The following GNB4 variants were observed in gnomAD, a reference collection of about 807,000 sequenced individuals.
The protein encoded by GNB4 is G protein subunit beta 4, also known as guanine nucleotide-binding protein subunit beta-4.
In GNB4, 28 loss-of-function variants were observed where a neutral mutation model predicts 45.2. The ratio of observed to expected loss-of-function variants is 0.62; its 90% CI spans 0.46 to 0.85. The LOEUF (loss-of-function observed/expected upper bound fraction) is 0.85. Among genes scored for constraint, GNB4 ranks in the 40% least tolerant of loss-of-function variants. The pLI is 0.00. For synonymous variants in GNB4, 132 were observed against 143.7 expected (o/e 0.92, Z 0.58); for missense variants, 321 against 425.4 (o/e 0.75, Z 2.16).
At chr3:179,510,921 G>A in the GNB4 span, among the ~76,000 whole-genome samples, 2 of 152,124 alleles carry the variant, frequency 1.3e-5, no homozygotes, top group African/African-American at 4.8e-5. Flanking sequence ...ATCTGGGCAC[G>A]CCTGAAGTTT....
chr3:179,446,105 G>C (rs1023459973), intron 1 of GNB4, among the ~76,000 whole-genome samples: 1 of 152,148 alleles, frequency 6.6e-6, no homozygotes, highest in African/African-American at 2.4e-5. Context: ...CTGGAAAATG[G>C]AACTGAGGAA....
chr3:179,426,065 G>A, intron 2 of GNB4, 79 bp downstream of exon 2: 1 of 1,061,012 alleles, frequency 9.4e-7, no homozygotes, highest in Non-Finnish European at 1.4e-6. Flanking sequence ...ATTTAATATA[G>A]ACTGATAAAC....
the GNB4 span, among the ~76,000 whole-genome samples, chr3:179,508,930 G>GTA: frequency 3.4e-4 from 16 of 47,114 alleles, 1 homozygote; most frequent in South Asian, 4.4e-3. Flanking sequence ...CTTTCAGCAT[G>GTA]TGTATATATA....
chr3:179,473,040 G>A, the GNB4 span, among the ~76,000 whole-genome samples: 2 of 152,158 alleles, frequency 1.3e-5, no homozygotes, highest in African/African-American at 4.8e-5. Flanking sequence ...GCACACGCCT[G>A]TAGTCCCAGC....
chr3:179,426,377 A>G, intron 1 of GNB4, 135 bp from the exon 2 acceptor site: 1 of 557,520 alleles, frequency 1.8e-6, no homozygotes. Context: ...AAAGGAATTT[A>G]AAGATGCTTA....
chr3:179,408,130 C>CTGGTATCTAAT (rs1298021948), intron 8 of GNB4, among the ~76,000 whole-genome samples: 3 of 151,890 alleles, frequency 2.0e-5, no homozygotes, highest in Non-Finnish European at 2.9e-5. Context: ...AGGTAAAATT[C>CTGGTATCTAAT]ACAATGTCTG....
At chr3:179,497,217 T>C in the GNB4 span, among the ~76,000 whole-genome samples, 1 of 152,116 alleles carries the variant, frequency 6.6e-6, no homozygotes, top group Non-Finnish European at 1.5e-5. Context: ...CATCGTCATC[T>C]AGTCTTTCAA....
At chr3:179,448,391 A>G (rs1010522388) in intron 1 of GNB4, among the ~76,000 whole-genome samples, 22 of 152,172 alleles carry the variant, frequency 1.4e-4, no homozygotes, top group South Asian at 2.1e-4. Flanking sequence ...CACCTCTACC[A>G]TACAAATAAT....
chr3:179,508,932 G>GTGTGTGTATATATATATA, the GNB4 span, among the ~76,000 whole-genome samples: 64 of 102,142 alleles, frequency 6.3e-4, 1 homozygote, highest in African/African-American at 2.7e-3. Flanking sequence ...TTCAGCATGT[G>GTGTGTGTATATATATATA]TATATATATA....
At chr3:179,449,731 G>A (rs888523603) in intron 1 of GNB4, among the ~76,000 whole-genome samples, 2 of 152,194 alleles carry the variant, frequency 1.3e-5, no homozygotes, top group African/African-American at 4.8e-5. Context: ...AACAGACGCA[G>A]ATTAAAATAG....
the GNB4 span, among the ~76,000 whole-genome samples, chr3:179,510,115 C>T: frequency 6.6e-6 from 1 of 152,040 alleles, no homozygotes; most frequent in Non-Finnish European, 1.5e-5. Context: ...CAGGTGTGAG[C>T]CACAGTGCCC....
chr3:179,465,107 G>A, the GNB4 span: 6 of 1,414,086 alleles, frequency 4.2e-6, no homozygotes, highest in East Asian at 4.6e-5. Context: ...ATCTGCTGCA[G>A]GTATTCCAAA....
upstream of GNB4, among the ~76,000 whole-genome samples, chr3:179,454,218 A>G (rs1715944349): frequency 1.3e-5 from 2 of 152,072 alleles, no homozygotes; most frequent in Non-Finnish European, 2.9e-5. Flanking sequence ...CTCAAATCCT[A>G]CTCTATTAAG....
the GNB4 span, chr3:179,464,763 A>T: frequency 7.9e-7 from 1 of 1,268,706 alleles, no homozygotes; most frequent in Admixed American, 1.7e-5. Context: ...AGACATATTG[A>T]TGAGAGAAGG....
At chr3:179,453,526 G>T (rs1313718139), upstream of GNB4, among the ~76,000 whole-genome samples, 1 of 152,128 alleles carries the variant, frequency 6.6e-6, no homozygotes, top group Admixed American at 6.6e-5. Flanking sequence ...ATTATTTGTT[G>T]AAAAACAAGT....
chr3:179,402,925 T>G (rs1026307048), intron 9 of GNB4, among the ~76,000 whole-genome samples: 2 of 152,034 alleles, frequency 1.3e-5, no homozygotes, highest in African/African-American at 4.8e-5. Flanking sequence ...GAGGAAAGGG[T>G]AAAACAGGGT....
chr3:179,518,856 T>C, the GNB4 span, among the ~76,000 whole-genome samples: 5 of 152,224 alleles, frequency 3.3e-5, no homozygotes, highest in Non-Finnish European at 7.3e-5. Context: ...ATTCTCAATA[T>C]GCATTTTACT....
intron 2 of GNB4, among the ~76,000 whole-genome samples, chr3:179,421,838 T>C (rs751889152): frequency 2.0e-5 from 3 of 152,196 alleles, no homozygotes; most frequent in Non-Finnish European, 4.4e-5. Context: ...CTTAGCCAAA[T>C]TGTGGGTTTA....
At position 179,397,189 on chromosome 3, in the gene GNB4, G is replaced by GA. The variant is rs1271203653; in HGVS notation, c.*4023dup. On this transcript the variant is annotated 3_prime_UTR_variant, in exon 10 of 10. Coordinates refer to ENST00000232564, the MANE Select transcript of GNB4 (RefSeq NM_021629.4). ...AACCAGTTTTCCTAAGTTAAACCAAGAATAAGCCACAAGTATTCAATTGTG... is the reference window on the plus strand; with the variant it reads ...AACCAGTTTTCCTAAGTTAAACCAAGAAATAAGCCACAAGTATTCAATTGTG... 1 of 152,150 alleles carries GA rather than the reference G, an allele frequency of 6.6e-6. No individual in the cohort carries two copies. The highest frequency in any genetic ancestry group is 2.4e-5 in the African/African-American group (1 of 41,440). 9.4% of individuals were successfully genotyped at this position (152,150 alleles called of 1,614,324 possible).
Sources: allele counts gnomAD v4.1 joint callset (sites outside exome capture counted in the v4.1 genomes callset), GRCh38; gene constraint gnomAD v4.1.1; transcripts MANE v1.5; gene names NCBI Gene and HGNC (gene_info 2026-07-23, HGNC 2026-07-21).